RORA: variants seen among roughly 807,000 people sequenced by gnomAD.
RORA encodes nuclear receptor ROR-alpha.
RORA carries 7 observed loss-of-function variants against 69.5 expected under a neutral mutation model. That is an observed-to-expected ratio of 0.10 (90% CI 0.06 to 0.19). RORA has a LOEUF of 0.19. RORA is among the 10% of genes least tolerant of loss of function. RORA has a pLI of 1.00. For synonymous variants in RORA, 261 were observed against 240.8 expected, an observed-to-expected ratio of 1.08 and a Z score of -0.78; for missense variants, 457 against 663.0, an observed-to-expected ratio of 0.69 and a Z score of 3.41.
intron 1 of RORA, among the ~76,000 whole-genome samples, chr15:61,175,057 T>A (rs958540981): frequency 6.6e-6 from 1 of 152,118 alleles, no homozygotes; most frequent in Non-Finnish European, 1.5e-5. Flanking sequence ...AACAATGACA[T>A]CAAAATAGAA....
At chr15:60,564,608 C>T in intron 2 of RORA, among the ~76,000 whole-genome samples, 1 of 152,116 alleles carries the variant, frequency 6.6e-6, no homozygotes, top group East Asian at 1.9e-4. Context: ...CTTTTGGTCT[C>T]ATCAGGACAA....
chr15:60,619,428 A>T (rs1273264908), intron 2 of RORA, among the ~76,000 whole-genome samples: 2 of 152,248 alleles, frequency 1.3e-5, no homozygotes, highest in Admixed American at 1.3e-4. Flanking sequence ...CAGATGATGT[A>T]TCATGATGAT....
At chr15:60,978,857 C>T (rs1413600649) in intron 1 of RORA, among the ~76,000 whole-genome samples, 1 of 151,922 alleles carries the variant, frequency 6.6e-6, no homozygotes, top group Admixed American at 6.6e-5. Context: ...AATTCTATTC[C>T]ATCGGTCCAT....
At chr15:60,527,507 C>G (rs951790155) in intron 3 of RORA, among the ~76,000 whole-genome samples, 3 of 152,220 alleles carry the variant, frequency 2.0e-5, no homozygotes, top group African/African-American at 7.2e-5. Context: ...CCTGGCAGGC[C>G]TGCCCCAGCT....
chr15:60,958,087 C>G (rs1278057843), intron 1 of RORA, among the ~76,000 whole-genome samples: 1 of 151,996 alleles, frequency 6.6e-6, no homozygotes, highest in Non-Finnish European at 1.5e-5. Flanking sequence ...TATTCAGAAA[C>G]CTGACTATGG....
intron 5 of RORA, among the ~76,000 whole-genome samples, chr15:60,510,873 A>ATTTT (rs113383793): frequency 0.013 from 1,987 of 147,968 alleles, 36 homozygotes; most frequent in African/African-American, 0.045. Context: ...GTGGACTGCC[A>ATTTT]TTTTTTTTTT....
intron 1 of RORA, among the ~76,000 whole-genome samples, chr15:61,155,449 G>T (rs931742251): frequency 6.6e-6 from 1 of 152,142 alleles, no homozygotes; most frequent in Non-Finnish European, 1.5e-5. Flanking sequence ...CACCAAAGGG[G>T]TTTATATTTT....
chr15:61,194,873 C>G (rs1186695854), intron 1 of RORA, among the ~76,000 whole-genome samples: 1 of 151,832 alleles, frequency 6.6e-6, no homozygotes, highest in Non-Finnish European at 1.5e-5. Context: ...CTGGCGTTTT[C>G]ACCTTGTAAT....
At chr15:60,642,920 G>T (rs1327784269) in intron 2 of RORA, among the ~76,000 whole-genome samples, 1 of 151,894 alleles carries the variant, frequency 6.6e-6, no homozygotes, top group Non-Finnish European at 1.5e-5. Context: ...CATTTGGGAG[G>T]TTGAGGTCAG....
chr15:60,817,096 A>G (rs746017957), intron 1 of RORA, among the ~76,000 whole-genome samples: 46 of 152,372 alleles, frequency 3.0e-4, no homozygotes, highest in Admixed American at 7.8e-4. Flanking sequence ...TGAACATATC[A>G]TCACCTCACA....
intron 1 of RORA, among the ~76,000 whole-genome samples, chr15:61,029,295 C>A (rs942163833): frequency 2.6e-5 from 4 of 152,028 alleles, no homozygotes; most frequent in Non-Finnish European, 4.4e-5. Context: ...TGACGAGCAC[C>A]ATTGGAAAGA....
chr15:60,829,537 T>C (rs535712461), intron 1 of RORA, among the ~76,000 whole-genome samples: 1 of 152,340 alleles, frequency 6.6e-6, no homozygotes, highest in South Asian at 2.1e-4. Flanking sequence ...TTCACACATC[T>C]GGAGGCCTCC....
intron 1 of RORA, among the ~76,000 whole-genome samples, chr15:61,175,558 A>AAAAAAAAAC (rs2079621024): frequency 2.0e-5 from 3 of 150,530 alleles, no homozygotes; most frequent in Non-Finnish European, 4.4e-5. Flanking sequence ...AAAAAAAAAA[A>AAAAAAAAAC]ACTTGCCAAG....
chr15:60,673,357 T>A (rs972032468), intron 2 of RORA, among the ~76,000 whole-genome samples: 15 of 152,162 alleles, frequency 9.9e-5, no homozygotes, highest in Non-Finnish European at 4.4e-5. Context: ...GACAGAGAAA[T>A]CCTGTTAAGC....
intron 2 of RORA, among the ~76,000 whole-genome samples, chr15:60,552,784 C>G (rs2067260145): frequency 6.6e-6 from 1 of 152,154 alleles, no homozygotes; most frequent in East Asian, 1.9e-4. Context: ...CCACAGATGT[C>G]AAAGGAATTC....
At chr15:60,939,036 TC>T (rs1892609928) in intron 1 of RORA, among the ~76,000 whole-genome samples, 1 of 152,208 alleles carries the variant, frequency 6.6e-6, no homozygotes, top group South Asian at 2.1e-4. Context: ...AGGCCATTGC[TC>T]GTTGGTCCAT....
intron 1 of RORA, among the ~76,000 whole-genome samples, chr15:60,705,967 G>C (rs2071056984): frequency 6.6e-6 from 1 of 152,120 alleles, no homozygotes; most frequent in Admixed American, 6.5e-5. Flanking sequence ...GGAAGTGGCA[G>C]GTATTATGAA....
intron 2 of RORA, among the ~76,000 whole-genome samples, chr15:60,623,773 A>C (rs1243749114): frequency 6.6e-6 from 1 of 152,206 alleles, no homozygotes; most frequent in African/African-American, 2.4e-5. Flanking sequence ...TTTGATGTTC[A>C]GTGTTATTTA....
chr15:61,015,825 G>C (rs1321678279), intron 1 of RORA, among the ~76,000 whole-genome samples: 25 of 152,200 alleles, frequency 1.6e-4, no homozygotes. Flanking sequence ...GCAGTCTTAG[G>C]TTGCATTAAT....
Sources: allele counts gnomAD v4.1 joint callset (sites outside exome capture counted in the v4.1 genomes callset), GRCh38; gene constraint gnomAD v4.1.1; transcripts MANE v1.5; gene names NCBI Gene and HGNC (gene_info 2026-07-23, HGNC 2026-07-21).